The following ZNF618 variants were observed in gnomAD, a reference collection of about 807,000 sequenced individuals.
ZNF618 encodes zinc finger protein 618, also known as neural precursor cell expressed, developmentally down-regulated 10.
ZNF618 carries 34 observed loss-of-function variants against 103.0 expected under a neutral mutation model. The observed-to-expected ratio is 0.33, with a 90% CI of 0.25 to 0.44. ZNF618 has a LOEUF of 0.44. Ranked by LOEUF, ZNF618 falls within the 20% of genes least tolerant of loss-of-function variation. The pLI, the probability that ZNF618 is intolerant of heterozygous loss-of-function variation, is 1.00. For missense variants in ZNF618, 1,059 were observed against 1,295.4 expected (o/e 0.82, Z 2.80); for synonymous variants, 551 against 542.2 (o/e 1.02, Z -0.23).
intron 14 of ZNF618, 103 bp from the exon 15 acceptor site, chr9:114,048,547 AT>A (rs1346407852): frequency 2.4e-6 from 3 of 1,232,142 alleles, no homozygotes; most frequent in Admixed American, 2.3e-5. Context: ...GAGGAAATAT[AT>A]TTGCCATTCC....
intron 2 of ZNF618, among the ~76,000 whole-genome samples, chr9:113,977,908 A>G (rs1199032595): frequency 6.6e-6 from 1 of 152,224 alleles, no homozygotes; most frequent in African/African-American, 2.4e-5. Context: ...TATTTAAATC[A>G]TATACCATCT....
At chr9:113,945,169 T>G (rs1834903267) in intron 1 of ZNF618, among the ~76,000 whole-genome samples, 1 of 152,144 alleles carries the variant, frequency 6.6e-6, no homozygotes, top group Admixed American at 6.5e-5. Flanking sequence ...CCTTCCAGCC[T>G]CTGAGCCCTC....
At chr9:113,924,365 G>A (rs1236277849) in intron 1 of ZNF618, among the ~76,000 whole-genome samples, 3 of 149,748 alleles carry the variant, frequency 2.0e-5, no homozygotes, top group Admixed American at 2.0e-4. Context: ...CAGTAGTGAT[G>A]ACCCCGTTCG....
intron 13 of ZNF618, 62 bp downstream of exon 13, chr9:114,036,439 G>C: frequency 2.0e-6 from 3 of 1,521,006 alleles, no homozygotes; most frequent in Non-Finnish European, 2.7e-6. Flanking sequence ...TGAAGAGATG[G>C]TTAGGGCCTG....
At chr9:114,026,866 G>A (rs939989669) in intron 10 of ZNF618, among the ~76,000 whole-genome samples, 13 of 152,094 alleles carry the variant, frequency 8.5e-5, no homozygotes, top group African/African-American at 3.1e-4. Context: ...TGGTGGAGTC[G>A]AGGGGGGAAA....
intron 1 of ZNF618, among the ~76,000 whole-genome samples, chr9:113,956,438 G>T (rs1197794690): frequency 1.3e-5 from 2 of 152,100 alleles, no homozygotes; most frequent in Non-Finnish European, 2.9e-5. Context: ...TAGATGAAAT[G>T]ATTCCTTGGA....
intron 1 of ZNF618, among the ~76,000 whole-genome samples, chr9:113,890,752 A>C (rs1829546974): frequency 6.6e-6 from 1 of 152,176 alleles, no homozygotes; most frequent in Admixed American, 6.5e-5. Flanking sequence ...CCCATTTTAC[A>C]CATCCTGGCC....
At chr9:114,016,036 G>A (rs1220276941) in intron 9 of ZNF618, 6 of 1,375,818 alleles carry the variant, frequency 4.4e-6, no homozygotes, top group African/African-American at 2.9e-5. Flanking sequence ...TTTGTTTGGG[G>A]GTTACAGATG....
At chr9:114,047,752 A>T (rs1332292072) in intron 13 of ZNF618, 141 bp from the exon 14 acceptor site, 5 of 639,612 alleles carry the variant, frequency 7.8e-6, no homozygotes, top group Non-Finnish European at 1.4e-5. Flanking sequence ...ATAGTTGTCT[A>T]AGGAGGAGCC....
At chr9:113,989,576 C>G (rs914440044) in intron 3 of ZNF618, among the ~76,000 whole-genome samples, 1 of 152,184 alleles carries the variant, frequency 6.6e-6, no homozygotes, top group East Asian at 1.9e-4. Flanking sequence ...CTCCATGTTT[C>G]CAAGGCTCAG....
intron 1 of ZNF618, among the ~76,000 whole-genome samples, chr9:113,883,987 C>CCCG (rs1828790432): frequency 4.0e-5 from 1 of 24,776 alleles, no homozygotes; most frequent in Non-Finnish European, 1.8e-4. Flanking sequence ...GCTTGGCCCC[C>CCCG]CCCCCCCCCC....
intron 1 of ZNF618, among the ~76,000 whole-genome samples, chr9:113,884,056 G>C (rs1828811027): frequency 7.7e-6 from 1 of 130,546 alleles, no homozygotes; most frequent in South Asian, 2.4e-4. Flanking sequence ...CTGGAACTCT[G>C]ACTTAGTCCT....
rs550675792 is a variant in ZNF618 at position 114,054,412 on chromosome 9, C to G, written c.*4245C>G. The stretch of plus-strand genomic sequence containing the variant: ...AGAGGAGGTGTCCCAGTGAGCCGCC[C>G]GAAGTTCATAGCTTTGCCCTCGCCT... On this transcript the variant is annotated 3_prime_UTR_variant, in exon 15 of 15. Coordinates refer to ENST00000374126, the MANE Select transcript of ZNF618 (RefSeq NM_001318042.2). 1.3e-5 allele frequency: 2 copies of G among 152,378 alleles called. No homozygotes were observed. Among genetic ancestry groups the G allele is most frequent in the South Asian group, 2.1e-4 (1 of 4,820 alleles). 9.4% of individuals were successfully genotyped at this position (152,378 alleles called of 1,614,324 possible).
intron 2 of ZNF618, among the ~76,000 whole-genome samples, chr9:113,987,282 G>A (rs545363514): frequency 2.0e-5 from 3 of 152,190 alleles, no homozygotes; most frequent in African/African-American, 7.2e-5. Context: ...GGAGTGGATG[G>A]CAGGGACCTG....
intron 9 of ZNF618, among the ~76,000 whole-genome samples, chr9:114,014,692 T>A (rs955535374): frequency 6.6e-6 from 1 of 152,230 alleles, no homozygotes; most frequent in African/African-American, 2.4e-5. Flanking sequence ...AATTAAATGT[T>A]ACAGCAAGCT....
intron 1 of ZNF618, among the ~76,000 whole-genome samples, chr9:113,938,457 T>C (rs1005106253): frequency 6.6e-6 from 1 of 152,124 alleles, no homozygotes; most frequent in Non-Finnish European, 1.5e-5. Flanking sequence ...ATTGGGATTA[T>C]AGGCGTGAGC....
At position 114,028,776 on chromosome 9, in the gene ZNF618, C is replaced by T. The variant is rs1276391166; in HGVS notation, c.888C>T (p.Gly296=). 3.2e-6 allele frequency: 5 copies of T among 1,550,586 alleles called. No homozygotes were observed. Among genetic ancestry groups the T allele is most frequent in the African/African-American group, 2.7e-5 (2 of 73,172 alleles). ...GWEPPDDPDT[G]SECSHPEVSP... ...AGCCACCGGATGATCCAGACACGGG[C>T]TCTGAGTGTTCACATCCAGAGGTCT... The change falls in exon 11 of 15, where the codon GGC becomes GGT. Residue 296 remains glycine (G), a synonymous_variant. Coordinates refer to ENST00000374126, the MANE Select transcript of ZNF618 (RefSeq NM_001318042.2).
chr9:114,028,185 T>C (rs570468033), intron 10 of ZNF618: 1 of 154,720 alleles, frequency 6.5e-6, no homozygotes, highest in African/African-American at 2.4e-5. Flanking sequence ...ATCCAGGAAC[T>C]GCTACACTTA....
rs545080403 is a variant in ZNF618, at chr9:114,023,161, A to G, written c.845-5572A>G. Among the ~76,000 whole-genome samples the G allele has an allele frequency of 5.6e-4, 85 of 152,118 alleles. 2 individuals are homozygous for G. In the South Asian group the frequency reaches 0.016, roughly 29 times the overall value. On this transcript the variant is annotated intron_variant, in intron 10 of 14. Coordinates refer to ENST00000374126, the MANE Select transcript of ZNF618 (RefSeq NM_001318042.2). ...TAATATGGTTAGATTTAAGTTTACT[A>G]TCTTGCATTTTTTCTATTTGTCCCA...
Sources: allele counts gnomAD v4.1 joint callset (sites outside exome capture counted in the v4.1 genomes callset), GRCh38; gene constraint gnomAD v4.1.1; transcripts MANE v1.5; gene names NCBI Gene and HGNC (gene_info 2026-07-23, HGNC 2026-07-21).